RPH3A: variants seen among roughly 807,000 people sequenced by gnomAD.
RPH3A encodes the protein rabphilin 3A, also known as rabphilin-3A.
In RPH3A, 48 loss-of-function variants were observed where a neutral mutation model predicts 102.2. The ratio of observed to expected loss-of-function variants is 0.47; its 90% confidence interval spans 0.37 to 0.60. RPH3A has a LOEUF of 0.60. Ranked by LOEUF, RPH3A falls within the 20% of genes least tolerant of loss-of-function variation. RPH3A has a pLI of 0.00. For synonymous variants in RPH3A, 310 were observed against 324.3 expected, an observed-to-expected ratio of 0.96 and a Z score of 0.47; for missense variants, 781 against 910.1, an observed-to-expected ratio of 0.86 and a Z score of 1.83.
chr12:112,659,091 A>T (rs928814441), intron 1 of RPH3A, among the ~76,000 whole-genome samples: 1 of 152,228 alleles, frequency 6.6e-6, no homozygotes, highest in African/African-American at 2.4e-5. Context: ...CCACTGAATC[A>T]CTTGAGAGTA....
intron 2 of RPH3A, among the ~76,000 whole-genome samples, chr12:112,799,622 A>G (rs2041300779): frequency 6.6e-6 from 1 of 152,154 alleles, no homozygotes; most frequent in Non-Finnish European, 1.5e-5. Flanking sequence ...CTATCTAGAC[A>G]CACAAAGGCC....
intron 1 of RPH3A, among the ~76,000 whole-genome samples, chr12:112,781,457 A>G (rs1327261904): frequency 2.0e-5 from 3 of 152,086 alleles, no homozygotes; most frequent in Non-Finnish European, 4.4e-5. Context: ...CCCTGCAACC[A>G]TCACTTCCCA....
chr12:112,636,413 T>C (rs2039849176), intron 1 of RPH3A, among the ~76,000 whole-genome samples: 1 of 152,194 alleles, frequency 6.6e-6, no homozygotes. Flanking sequence ...TATAGAACAG[T>C]GTTTCTCAAC....
chr12:112,597,577 C>G (rs1741749325), intron 1 of RPH3A, among the ~76,000 whole-genome samples: 1 of 152,040 alleles, frequency 6.6e-6, no homozygotes, highest in Admixed American at 6.5e-5. Context: ...GAGTGAGACC[C>G]TGTTTCAAAA....
intron 1 of RPH3A, among the ~76,000 whole-genome samples, chr12:112,702,429 C>G (rs1361351959): frequency 6.6e-6 from 1 of 152,176 alleles, no homozygotes; most frequent in Non-Finnish European, 1.5e-5. Flanking sequence ...AGCACTTTTG[C>G]CTGGATGGTC....
intron 3 of RPH3A, among the ~76,000 whole-genome samples, chr12:112,829,958 A>G (rs2041940935): frequency 1.3e-5 from 2 of 152,262 alleles, no homozygotes; most frequent in African/African-American, 4.8e-5. Flanking sequence ...TCCTTGAAGT[A>G]CATAAGGTTG....
chr12:112,870,340 A>G (rs900741092), intron 10 of RPH3A, among the ~76,000 whole-genome samples: 4 of 150,954 alleles, frequency 2.6e-5, no homozygotes, highest in African/African-American at 9.8e-5. Flanking sequence ...CCCTGGGGGA[A>G]AAATGCCCCT....
At chr12:112,892,318 G>A (rs1358072853) in intron 19 of RPH3A, among the ~76,000 whole-genome samples, 1 of 152,228 alleles carries the variant, frequency 6.6e-6, no homozygotes, top group African/African-American at 2.4e-5. Context: ...AGAAGATACA[G>A]GTGTGCCTGT....
intron 1 of RPH3A, among the ~76,000 whole-genome samples, chr12:112,712,964 T>TCC (rs1565856988): frequency 2.0e-4 from 14 of 70,248 alleles, no homozygotes; most frequent in Admixed American, 1.2e-3. Context: ...CTTCTTCTTC[T>TCC]TTCTTCTTCT....
At chr12:112,728,286 TG>T (rs1305110816) in intron 1 of RPH3A, among the ~76,000 whole-genome samples, 1 of 152,096 alleles carries the variant, frequency 6.6e-6, no homozygotes, top group African/African-American at 2.4e-5. Context: ...GCCCCAATTT[TG>T]TGGGGCAAAG....
intron 2 of RPH3A, among the ~76,000 whole-genome samples, chr12:112,811,880 G>A (rs918048964): frequency 2.6e-5 from 4 of 152,046 alleles, no homozygotes; most frequent in Non-Finnish European, 4.4e-5. Context: ...GAAGGGTCCC[G>A]CACATGGTGG....
intron 2 of RPH3A, among the ~76,000 whole-genome samples, chr12:112,826,736 G>A (rs1309139849): frequency 6.6e-6 from 1 of 152,132 alleles, no homozygotes; most frequent in Non-Finnish European, 1.5e-5. Context: ...ACATCTATGG[G>A]TTCATCCATG....
At chr12:112,704,092 C>CT (rs764997927) in intron 1 of RPH3A, among the ~76,000 whole-genome samples, 2,437 of 146,024 alleles carry the variant, frequency 0.017, 22 homozygotes, top group South Asian at 0.049. Context: ...TCTTCTTCTT[C>CT]TTTTTTTTTT....
chr12:112,735,806 T>C (rs1412646645), intron 1 of RPH3A, among the ~76,000 whole-genome samples: 3 of 152,220 alleles, frequency 2.0e-5, no homozygotes, highest in Non-Finnish European at 4.4e-5. Flanking sequence ...TCTGCTCAAA[T>C]ACCTTAAGTG....
chr12:112,799,337 G>A (rs11066419), intron 2 of RPH3A, among the ~76,000 whole-genome samples: 1 of 152,118 alleles, frequency 6.6e-6, no homozygotes, highest in South Asian at 2.1e-4. Flanking sequence ...ACTGTGAGCT[G>A]TGGTTGTGCC....
chr12:112,611,286 G>A (rs1036236835), intron 1 of RPH3A, among the ~76,000 whole-genome samples: 3 of 152,180 alleles, frequency 2.0e-5, no homozygotes, highest in Non-Finnish European at 2.9e-5. Context: ...CTGGTTTTAT[G>A]AGTTTAGACA....
intron 1 of RPH3A, among the ~76,000 whole-genome samples, chr12:112,578,124 A>C (rs2039372202): frequency 6.6e-6 from 1 of 152,162 alleles, no homozygotes; most frequent in Non-Finnish European, 1.5e-5. Flanking sequence ...GCCACCCCTG[A>C]ATTCAAAGTC....
chr12:112,599,170 T>G (rs928285884), intron 1 of RPH3A, among the ~76,000 whole-genome samples: 4 of 152,152 alleles, frequency 2.6e-5, no homozygotes, highest in African/African-American at 4.8e-5. Flanking sequence ...AGTGTGTGTG[T>G]AGCAAGACCA....
Position 112,712,420 on chromosome 12 carries a change from G to T in RPH3A, c.-139-79723G>T, listed in dbSNP as rs534871793. Among the ~76,000 whole-genome samples, 4 of 152,180 alleles carry T rather than the reference G, an allele frequency of 2.6e-5. No homozygotes were observed. The South Asian group carries it at 8.3e-4, about 32-fold the overall frequency. ...CAATTTCTTATGTTTCAATCTAATA[G>T]AAACCGCATAAATTATCCAGATGTC... On this transcript the variant is annotated intron_variant, in intron 1 of 21. Transcript: ENST00000543106.
Sources: gnomAD v4.1 joint callset for allele counts (sites outside exome capture counted in the v4.1 genomes callset) on GRCh38, gnomAD v4.1.1 for gene constraint, MANE v1.5 for transcripts, NCBI Gene and HGNC (gene_info 2026-07-23, HGNC 2026-07-21) for gene names.